The following NSD3 variants were observed in gnomAD, a reference collection of about 807,000 sequenced individuals.
NSD3 encodes the protein histone-lysine N-methyltransferase NSD3.
A neutral mutation model predicts 160.8 loss-of-function variants in NSD3; 24 were observed. That is an observed-to-expected ratio of 0.15 (90% CI 0.11 to 0.21). The LOEUF is 0.21. NSD3 is among the 10% of genes least tolerant of loss of function. NSD3 has a pLI of 1.00. For missense variants in NSD3, 1,157 were observed against 1,735.9 expected (o/e 0.67, Z 5.93); for synonymous variants, 520 against 600.0 (o/e 0.87, Z 1.95).
chr8:38,318,817 A>T lies in NSD3; in HGVS notation c.1855+78T>A. 4.3e-6 allele frequency: 6 copies of T among 1,393,656 alleles called. No individual in the cohort carries two copies. Among genetic ancestry groups the T allele is most frequent in the Non-Finnish European group, 6.1e-6 (6 of 990,330 alleles). The allele number at this position is 1,393,656 out of a possible 1,614,324, so 86.3% of individuals were successfully genotyped here. ...ACAACGATTTACAGAGACAGACAAAAATACATGAAGTACAAATAATTCTTA... is the reference window on the plus strand; with the variant it reads ...ACAACGATTTACAGAGACAGACAAATATACATGAAGTACAAATAATTCTTA... On this transcript the variant is annotated intron_variant, in intron 9 of 23. Transcript: ENST00000317025. The surrounding 1 kb of genome is among the most constrained non-coding windows in gnomAD (Gnocchi z 5.3).
intron 7 of NSD3, among the ~76,000 whole-genome samples, chr8:38,325,977 G>A (rs1354255334): frequency 6.6e-6 from 1 of 151,836 alleles, no homozygotes; most frequent in Non-Finnish European, 1.5e-5. Context: ...GTGAAACTTT[G>A]TCTCTACTAA....
chr8:38,278,460 G>C, intron 21 of NSD3, 48 bp from the exon 22 acceptor site: 1 of 1,512,978 alleles, frequency 6.6e-7, no homozygotes, highest in South Asian at 1.2e-5. Flanking sequence ...ATGGGGAAGA[G>C]AAAAGCTCTC....
chr8:38,357,698 C>A (rs768302250), intron 1 of NSD3, among the ~76,000 whole-genome samples: 1 of 152,094 alleles, frequency 6.6e-6, no homozygotes, highest in Non-Finnish European at 1.5e-5. Flanking sequence ...TTCTTAAGAG[C>A]AGGAAGTAAT....
intron 19 of NSD3, among the ~76,000 whole-genome samples, chr8:38,287,106 C>T (rs907142662): frequency 6.6e-6 from 1 of 152,210 alleles, no homozygotes; most frequent in Non-Finnish European, 1.5e-5. Flanking sequence ...GCTTAATACA[C>T]ATGTACCGAA....
chr8:38,372,033 G>A (rs1480653072), intron 1 of NSD3, among the ~76,000 whole-genome samples: 1 of 152,190 alleles, frequency 6.6e-6, no homozygotes, highest in African/African-American at 2.4e-5. Flanking sequence ...CAAGGATGAA[G>A]GGTCAAACAT....
chr8:38,380,231 C>T, intron 1 of NSD3, among the ~76,000 whole-genome samples: 1 of 152,128 alleles, frequency 6.6e-6, no homozygotes, highest in Admixed American at 6.5e-5. Flanking sequence ...CATCACTTAA[C>T]ACGCTCATCA....
At chr8:38,338,044 G>A (rs1810267157) in intron 3 of NSD3, among the ~76,000 whole-genome samples, 1 of 152,194 alleles carries the variant, frequency 6.6e-6, no homozygotes, top group Non-Finnish European at 1.5e-5. Context: ...GCTCACGCCT[G>A]TAATCCCAGC....
chr8:38,314,727 C>T lies in NSD3; in HGVS notation c.2162G>A (p.Cys721Tyr). 6.2e-7 allele frequency: 1 copy of T among 1,614,200 alleles called. No individual in the cohort carries two copies. The highest frequency in any genetic ancestry group is 8.5e-7 in the Non-Finnish European group (1 of 1,180,030). ...GCACTCCAGGTGAAAGTGTTTGCAG[C>T]ACTCTCCCTCACAAGGAATCAGAGA... ...GDSLIPCEGE[C>Y]CKHFHLECLG... The change falls in exon 12 of 24, where the codon TGC (cysteine) becomes TAC (tyrosine). Residue 721 changes from cysteine to tyrosine, a missense_variant. Coordinates refer to ENST00000317025, the MANE Select transcript of NSD3 (RefSeq NM_023034.2).
rs1808563464 is a variant in NSD3 at position 38,274,964 on chromosome 8, G to C, written c.*677C>G. The C allele has an allele frequency of 4.8e-6, 1 of 206,640 alleles. No individual in the cohort carries two copies. The highest frequency in any genetic ancestry group is 2.3e-5 in the African/African-American group (1 of 43,922). The allele number at this position is 206,640 out of a possible 1,614,324, so 12.8% of individuals were successfully genotyped here. A position where few individuals can be genotyped will look rare whatever the true frequency, so the allele number is the denominator to read the frequency against. On this transcript the variant is annotated 3_prime_UTR_variant, in exon 24 of 24. Coordinates refer to ENST00000317025, the MANE Select transcript of NSD3 (RefSeq NM_023034.2). ...CACACCATATACCCTTCTAGGTAAA[G>C]TTACCATAGTACAAAGCCCACCTTG...
intron 16 of NSD3, among the ~76,000 whole-genome samples, chr8:38,293,108 A>G (rs1349398102): frequency 6.6e-6 from 1 of 150,822 alleles, no homozygotes; most frequent in Non-Finnish European, 1.5e-5. Flanking sequence ...ACTGCACTCC[A>G]GCCTGGGACA....
chr8:38,326,330 A>G (rs188556808), intron 7 of NSD3, among the ~76,000 whole-genome samples: 3 of 152,330 alleles, frequency 2.0e-5, no homozygotes, highest in Admixed American at 6.5e-5. Flanking sequence ...AACTAGGAAT[A>G]ATGACAAGAG....
chr8:38,369,458 T>C (rs1477387994), intron 1 of NSD3, among the ~76,000 whole-genome samples: 2 of 152,228 alleles, frequency 1.3e-5, no homozygotes, highest in Non-Finnish European at 2.9e-5. Context: ...CAGGTATTAG[T>C]TGATGTTCAA....
rs965335360 is a variant in NSD3, at chr8:38,272,521, C to T, written c.*3120G>A. On this transcript the variant is annotated 3_prime_UTR_variant, in exon 24 of 24. Transcript: ENST00000317025. ...ATTCTTCCCTCGCAGCAGTGGCGGT[C>T]CAGCCCCTCCCTCCCCTGCACAGTG... 6.6e-6 allele frequency: 1 copy of T among 152,312 alleles called. No homozygotes were observed. The highest frequency in any genetic ancestry group is 1.5e-5 in the Non-Finnish European group (1 of 68,130). The allele number at this position is 152,312 out of a possible 1,614,324, so 9.4% of individuals were successfully genotyped here.
chr8:38,275,967 C>T (rs1808591624), intron 23 of NSD3, 85 bp from the exon 24 acceptor site: 2 of 1,203,232 alleles, frequency 1.7e-6, no homozygotes, highest in Admixed American at 4.7e-5. Context: ...CAGGTTCCTT[C>T]TTCTCTCATT....
At chr8:38,368,233 T>C (rs1811154913) in intron 1 of NSD3, among the ~76,000 whole-genome samples, 1 of 152,224 alleles carries the variant, frequency 6.6e-6, no homozygotes, top group Non-Finnish European at 1.5e-5. Flanking sequence ...GTGTTGGGAT[T>C]ACAGGTGTGA....
chr8:38,286,318 C>T (rs1808855323), intron 19 of NSD3, among the ~76,000 whole-genome samples: 1 of 152,070 alleles, frequency 6.6e-6, no homozygotes, highest in African/African-American at 2.4e-5. Context: ...CACACACACA[C>T]ACCCCAAAAC....
At chr8:38,348,427 G>T (rs1239867093) in intron 1 of NSD3, among the ~76,000 whole-genome samples, 1 of 152,130 alleles carries the variant, frequency 6.6e-6, no homozygotes. Flanking sequence ...TGAAACTCCT[G>T]ATTACTTTCA....
Position 38,288,445 on chromosome 8 carries a change from A to G in NSD3, c.3501+42T>C. 1.3e-6 allele frequency: 2 copies of G among 1,592,892 alleles called. No individual in the cohort carries two copies. The highest frequency in any genetic ancestry group is 1.7e-6 in the Non-Finnish European group (2 of 1,167,844). ...CCTACTGAAGCATTCCTGAAAAGCC[A>G]GGTTCTGGTCTCTTCCACCCCCCAC... On this transcript the variant is annotated intron_variant, in intron 19 of 23. Coordinates refer to ENST00000317025, the MANE Select transcript of NSD3 (RefSeq NM_023034.2). The surrounding 1 kb of genome is among the most constrained non-coding windows in gnomAD (Gnocchi z 4.5).
intron 22 of NSD3, chr8:38,276,808 C>T (rs2130980177): frequency 2.7e-6 from 1 of 367,452 alleles, no homozygotes; most frequent in South Asian, 2.9e-5. Context: ...TCTCAGCCTC[C>T]CAAGTAGCTG....
Sources: gnomAD v4.1 joint callset for allele counts (sites outside exome capture counted in the v4.1 genomes callset) on GRCh38, gnomAD v4.1.1 for gene constraint, Gnocchi (gnomAD v3.1) non-coding constraint, MANE v1.5 for transcripts, NCBI Gene and HGNC (gene_info 2026-07-23, HGNC 2026-07-21) for gene names.